Variants in SHISA9 observed in about 807,000 individuals in gnomAD.
SHISA9 encodes shisa family member 9.
Under a neutral mutation model 38.0 loss-of-function variants are expected in SHISA9, and 13 were observed. That is an observed-to-expected ratio of 0.34 (90% CI 0.22 to 0.54). SHISA9 has a LOEUF of 0.54. Ranked by LOEUF, SHISA9 falls within the 20% of genes least tolerant of loss-of-function variation. SHISA9 has a pLI of 0.91. For missense variants in SHISA9, 538 were observed against 575.8 expected (o/e 0.93, Z 0.67); for synonymous variants, 275 against 242.0 (o/e 1.14, Z -1.27).
the SHISA9 span, among the ~76,000 whole-genome samples, chr16:13,370,134 T>C: frequency 6.6e-6 from 1 of 152,132 alleles, no homozygotes; most frequent in Non-Finnish European, 1.5e-5. Context: ...TCGAGCTCAG[T>C]GGGGTATAAG....
chr16:12,929,576 G>C (rs575204240), intron 2 of SHISA9, among the ~76,000 whole-genome samples: 50 of 152,000 alleles, frequency 3.3e-4, no homozygotes, highest in South Asian at 6.3e-4. Context: ...ACTTATAAGT[G>C]GGAGCTGAAT....
chr16:13,470,566 CT>C, the SHISA9 span, among the ~76,000 whole-genome samples: 4 of 152,158 alleles, frequency 2.6e-5, no homozygotes, highest in Non-Finnish European at 5.9e-5. Context: ...TCTCATGAGA[CT>C]TATTCACTAC....
At chr16:13,212,245 A>AT (rs1490462761) in intron 3 of SHISA9, among the ~76,000 whole-genome samples, 1 of 152,192 alleles carries the variant, frequency 6.6e-6, no homozygotes, top group Non-Finnish European at 1.5e-5. Flanking sequence ...TAAGAAAGGA[A>AT]AGAGCTAGGA....
chr16:13,401,464 C>G, the SHISA9 span, among the ~76,000 whole-genome samples: 1 of 152,176 alleles, frequency 6.6e-6, no homozygotes, highest in Non-Finnish European at 1.5e-5. Context: ...CTGTGTTCCC[C>G]CAGTGTTTGC....
chr16:13,442,892 A>G, the SHISA9 span, among the ~76,000 whole-genome samples: 1 of 152,216 alleles, frequency 6.6e-6, no homozygotes, highest in African/African-American at 2.4e-5. Context: ...GTCCATACCT[A>G]TTTCAACATT....
At chr16:12,915,562 T>C (rs1302589292) in intron 1 of SHISA9, among the ~76,000 whole-genome samples, 1 of 152,248 alleles carries the variant, frequency 6.6e-6, no homozygotes, top group African/African-American at 2.4e-5. Flanking sequence ...TGGTTTGCAA[T>C]GATGGCAGCT....
the SHISA9 span, among the ~76,000 whole-genome samples, chr16:13,353,316 A>C: frequency 6.6e-5 from 10 of 152,348 alleles, no homozygotes; most frequent in Admixed American, 2.6e-4. Context: ...GGAGAAAAAC[A>C]GGTATAAAAG....
At chr16:13,537,823 A>G in the SHISA9 span, among the ~76,000 whole-genome samples, 2 of 152,198 alleles carry the variant, frequency 1.3e-5, no homozygotes, top group Non-Finnish European at 2.9e-5. Flanking sequence ...AAGTTTTAAA[A>G]TTATGCAACT....
the SHISA9 span, among the ~76,000 whole-genome samples, chr16:13,286,611 A>G: frequency 1.3e-5 from 2 of 152,198 alleles, no homozygotes; most frequent in Non-Finnish European, 2.9e-5. Context: ...ACAAGAAGAA[A>G]CACGTCATCT....
chr16:12,969,501 T>C (rs2072026981), intron 2 of SHISA9, among the ~76,000 whole-genome samples: 1 of 152,044 alleles, frequency 6.6e-6, no homozygotes. Context: ...CCCAGGACTT[T>C]GAGAGGCCTA....
the SHISA9 span, among the ~76,000 whole-genome samples, chr16:13,418,109 G>A: frequency 6.6e-6 from 1 of 152,100 alleles, no homozygotes; most frequent in East Asian, 1.9e-4. Context: ...CCTGAAAGAA[G>A]CTAGATTATG....
intron 2 of SHISA9, among the ~76,000 whole-genome samples, chr16:13,120,723 G>A (rs1333281172): frequency 6.6e-6 from 1 of 152,164 alleles, no homozygotes; most frequent in Non-Finnish European, 1.5e-5. Flanking sequence ...TCTTCTTAGA[G>A]GAAGAATGCG....
chr16:13,527,905 G>A, the SHISA9 span, among the ~76,000 whole-genome samples: 1 of 152,166 alleles, frequency 6.6e-6, no homozygotes, highest in Non-Finnish European at 1.5e-5. Context: ...TTACAATTCA[G>A]GAAACGTGAT....
the SHISA9 span, among the ~76,000 whole-genome samples, chr16:13,314,036 A>G: frequency 6.9e-6 from 1 of 144,578 alleles, no homozygotes; most frequent in Non-Finnish European, 1.6e-5. Flanking sequence ...TCTGCTAACA[A>G]TAAGCTGTAC....
intron 2 of SHISA9, among the ~76,000 whole-genome samples, chr16:13,093,557 G>T (rs79853459): frequency 1.3e-5 from 2 of 152,084 alleles, no homozygotes; most frequent in Non-Finnish European, 2.9e-5. Flanking sequence ...TATGAGAGGT[G>T]GGGGGAGTGG....
chr16:13,239,375 T>A lies in SHISA9; in HGVS notation c.*3966T>A, dbSNP rs557827696. 260 of 151,376 alleles carry A rather than the reference T, an allele frequency of 1.7e-3. No individual in the cohort carries two copies. Among genetic ancestry groups the A allele is most frequent in the African/African-American group, 5.9e-3 (244 of 41,206 alleles). 9.4% of individuals were successfully genotyped at this position (151,376 alleles called of 1,614,324 possible). On this transcript the variant is annotated 3_prime_UTR_variant, in exon 5 of 5. Coordinates refer to ENST00000558583, the MANE Select transcript of SHISA9 (RefSeq NM_001145204.3). ...CCAGTAATGGGATGGCTGGGTCAAA[T>A]GGTATTTCTAGTTCTAGATCCCTGA...
At chr16:13,181,940 A>T (rs2050782660) in intron 2 of SHISA9, among the ~76,000 whole-genome samples, 1 of 152,204 alleles carries the variant, frequency 6.6e-6, no homozygotes, top group Non-Finnish European at 1.5e-5. Flanking sequence ...AAATTCAACA[A>T]AGGTTTTGTT....
chr16:13,469,102 C>T, the SHISA9 span, among the ~76,000 whole-genome samples: 4 of 150,912 alleles, frequency 2.7e-5, no homozygotes, highest in Non-Finnish European at 5.9e-5. Flanking sequence ...ATTAGCCAGG[C>T]GTGATGGTGG....
At chr16:12,910,664 A>G (rs1024679235) in intron 1 of SHISA9, 2 of 985,480 alleles carry the variant, frequency 2.0e-6, no homozygotes, top group Non-Finnish European at 2.4e-6. Flanking sequence ...TTTTGTTTCA[A>G]CATAATTCTC....
Sources: gnomAD v4.1 joint callset for allele counts (sites outside exome capture counted in the v4.1 genomes callset) on GRCh38, gnomAD v4.1.1 for gene constraint, MANE v1.5 for transcripts, NCBI Gene and HGNC (gene_info 2026-07-23, HGNC 2026-07-21) for gene names.